The following CC2D2A variants were observed in gnomAD, a reference collection of about 807,000 sequenced individuals.
The protein encoded by CC2D2A is coiled-coil and C2 domain containing 2A.
Under a neutral mutation model 212.9 loss-of-function variants are expected in CC2D2A, and 155 were observed. The observed-to-expected ratio is 0.73, with a 90% CI of 0.64 to 0.83. The LOEUF is 0.83. CC2D2A is among the 40% of genes least tolerant of loss of function. CC2D2A has a pLI of 0.00. For synonymous variants in CC2D2A, 667 were observed against 686.5 expected, an observed-to-expected ratio of 0.97 and a Z score of 0.44; for missense variants, 1,856 against 1,956.2, an observed-to-expected ratio of 0.95 and a Z score of 0.97.
intron 4 of CC2D2A, chr4:15,481,354 C>A: frequency 2.7e-6 from 1 of 367,024 alleles, no homozygotes; most frequent in Non-Finnish European, 5.4e-6. Context: ...ACTAAAAATA[C>A]AAAAAAATTA....
chr4:15,548,813 A>C (rs1382379175), intron 17 of CC2D2A, among the ~76,000 whole-genome samples: 2 of 152,194 alleles, frequency 1.3e-5, no homozygotes, highest in Non-Finnish European at 2.9e-5. Context: ...GTTGTGAACC[A>C]ATAAAAATAT....
chr4:15,563,147 A>G (rs1190243529), intron 23 of CC2D2A, among the ~76,000 whole-genome samples: 3 of 152,232 alleles, frequency 2.0e-5, no homozygotes, highest in Non-Finnish European at 4.4e-5. Flanking sequence ...TTCCTTGGAT[A>G]AGCAGCAGCT....
At chr4:15,597,118 T>G (rs1721354489) in intron 34 of CC2D2A, among the ~76,000 whole-genome samples, 1 of 152,122 alleles carries the variant, frequency 6.6e-6, no homozygotes, top group Non-Finnish European at 1.5e-5. Context: ...CCCTCTCACC[T>G]ATGAAAGTGC....
At chr4:15,559,559 A>T (rs553283776) in intron 22 of CC2D2A, among the ~76,000 whole-genome samples, 5 of 152,330 alleles carry the variant, frequency 3.3e-5, no homozygotes, top group South Asian at 2.1e-4. Flanking sequence ...TTGCGTTACA[A>T]TGATTACCTT....
intron 11 of CC2D2A, among the ~76,000 whole-genome samples, chr4:15,525,719 T>C (rs1468751092): frequency 6.6e-6 from 1 of 152,200 alleles, no homozygotes; most frequent in African/African-American, 2.4e-5. Flanking sequence ...GTGTTCATAA[T>C]AGTTCTCGAT....
At chr4:15,561,583 T>C (rs1719605009) in intron 23 of CC2D2A, 1 of 152,154 alleles carries the variant, frequency 6.6e-6, no homozygotes, top group South Asian at 2.1e-4. Context: ...ACTTTCTGCA[T>C]TAAGTTCTGA....
At chr4:15,566,412 TCTC>T (rs1719882999) in intron 24 of CC2D2A, among the ~76,000 whole-genome samples, 2 of 151,862 alleles carry the variant, frequency 1.3e-5, no homozygotes, top group Admixed American at 6.6e-5. Context: ...AAGCTCAGGA[TCTC>T]CTATCTGTGA....
At chr4:15,546,097 G>A (rs1404395737) in intron 17 of CC2D2A, among the ~76,000 whole-genome samples, 3 of 151,840 alleles carry the variant, frequency 2.0e-5, no homozygotes, top group African/African-American at 7.3e-5. Context: ...GAGACAGGGT[G>A]AGACCCTGTC....
At chr4:15,500,095 GTGTGTGTGTGTGTATA>G (rs1169453711) in intron 4 of CC2D2A, among the ~76,000 whole-genome samples, 48 of 52,576 alleles carry the variant, frequency 9.1e-4, no homozygotes, top group African/African-American at 2.5e-3. Context: ...GTGTGTGTGT[GTGTGTGTGTGTGTATA>G]TATATATATA....
chr4:15,487,964 T>C (rs1030114118), intron 4 of CC2D2A, among the ~76,000 whole-genome samples: 14 of 146,538 alleles, frequency 9.6e-5, no homozygotes, highest in African/African-American at 3.1e-4. Flanking sequence ...GTCTCCCCCC[T>C]GCTTTTTTAT....
chr4:15,549,663 C>T (rs961227139), intron 17 of CC2D2A, among the ~76,000 whole-genome samples: 3 of 152,074 alleles, frequency 2.0e-5, no homozygotes, highest in Admixed American at 6.6e-5. Flanking sequence ...ATTAGCCAGG[C>T]GTGGTGGTGG....
At chr4:15,498,904 C>T (rs888662843) in intron 4 of CC2D2A, among the ~76,000 whole-genome samples, 1 of 152,188 alleles carries the variant, frequency 6.6e-6, no homozygotes, top group Non-Finnish European at 1.5e-5. Flanking sequence ...CTTCGCTGAT[C>T]TAATACTACA....
intron 14 of CC2D2A, among the ~76,000 whole-genome samples, chr4:15,536,362 A>G (rs143592436): frequency 5.5e-4 from 84 of 152,298 alleles, no homozygotes; most frequent in African/African-American, 1.9e-3. Flanking sequence ...AATGTAGATG[A>G]TGGGTTGATG....
At chr4:15,549,354 C>A (rs756042676) in intron 17 of CC2D2A, among the ~76,000 whole-genome samples, 1 of 152,154 alleles carries the variant, frequency 6.6e-6, no homozygotes. Flanking sequence ...TAGAATAGCT[C>A]ACAGCAAAAT....
intron 4 of CC2D2A, among the ~76,000 whole-genome samples, chr4:15,499,891 T>C (rs1352632880): frequency 6.6e-6 from 1 of 151,180 alleles, no homozygotes; most frequent in Non-Finnish European, 1.5e-5. Context: ...TACTTAACAG[T>C]GTGCCTTCCC....
intron 33 of CC2D2A, among the ~76,000 whole-genome samples, chr4:15,591,368 C>T (rs1721100694): frequency 6.6e-6 from 1 of 151,768 alleles, no homozygotes; most frequent in Non-Finnish European, 1.5e-5. Flanking sequence ...TACAGGCATG[C>T]ACCACCACAC....
intron 28 of CC2D2A, among the ~76,000 whole-genome samples, chr4:15,570,788 T>A (rs1269181171): frequency 6.6e-6 from 1 of 151,428 alleles, no homozygotes; most frequent in Non-Finnish European, 1.5e-5. Context: ...CCAGGGAGGC[T>A]GAGGCAGGAG....
intron 33 of CC2D2A, among the ~76,000 whole-genome samples, chr4:15,592,340 T>C (rs779751900): frequency 6.6e-6 from 1 of 152,180 alleles, no homozygotes; most frequent in African/African-American, 2.4e-5. Flanking sequence ...ATACTAGTTA[T>C]ATCTCTTGCT....
At chr4:15,497,145 C>T (rs1715664309) in intron 4 of CC2D2A, among the ~76,000 whole-genome samples, 1 of 152,196 alleles carries the variant, frequency 6.6e-6, no homozygotes, top group Non-Finnish European at 1.5e-5. Context: ...AGGCATCAGA[C>T]TACCTGACTT....
Sources: gnomAD v4.1 joint callset for allele counts (sites outside exome capture counted in the v4.1 genomes callset) on GRCh38, gnomAD v4.1.1 for gene constraint, MANE v1.5 for transcripts, NCBI Gene and HGNC (gene_info 2026-07-23, HGNC 2026-07-21) for gene names.